The following ERC1 variants were observed in gnomAD, a reference collection of about 807,000 sequenced individuals.
ERC1 encodes the protein RAB6 interacting protein 2.
ERC1 carries 56 observed loss-of-function variants against 132.0 expected under a neutral mutation model. The observed-to-expected ratio is 0.42, with a 90% CI of 0.34 to 0.53. The LOEUF (loss-of-function observed/expected upper bound fraction) is 0.53, where lower values mean the gene tolerates loss of function less well. ERC1 is among the 20% of genes least tolerant of loss of function. The pLI is 0.03. For synonymous variants in ERC1, 478 were observed against 476.1 expected, an observed-to-expected ratio of 1.00 and a Z score of -0.05; for missense variants, 1,202 against 1,349.9, an observed-to-expected ratio of 0.89 and a Z score of 1.72.
At chr12:1,243,090 G>A (rs1379668138) in intron 13 of ERC1, among the ~76,000 whole-genome samples, 1 of 151,282 alleles carries the variant, frequency 6.6e-6, no homozygotes, top group East Asian at 1.9e-4. Flanking sequence ...GGGAGGCTGA[G>A]GCAGGAGAAT....
At chr12:1,054,719 C>G (rs1301854620) in intron 2 of ERC1, among the ~76,000 whole-genome samples, 2 of 152,114 alleles carry the variant, frequency 1.3e-5, no homozygotes, top group Admixed American at 6.6e-5. Context: ...AAAGCATTGT[C>G]TAATCAGTCT....
intron 15 of ERC1, among the ~76,000 whole-genome samples, chr12:1,368,638 G>A (rs770501355): frequency 1.3e-5 from 2 of 152,126 alleles, no homozygotes; most frequent in Admixed American, 1.3e-4. Context: ...AGTCTTTGCT[G>A]TTACTGTCTA....
In ERC1 at chr12:1,482,809, A is replaced by C. The variant is rs183086930; in HGVS notation, c.3214-7284A>C. On this transcript the variant is annotated intron_variant, in intron 18 of 18. Coordinates refer to ENST00000360905, the MANE Select transcript of ERC1 (RefSeq NM_178040.4). ...CATACAACTCACCCATTGCAAGTAC[A>C]TAATTCAGTAGATTTAGTGTGTTCT... 4.7e-3 allele frequency among the ~76,000 whole-genome samples: 710 copies of C among 152,276 alleles called. 2 individuals are homozygous for C. Among genetic ancestry groups the C allele is most frequent in the Non-Finnish European group, 7.1e-3 (480 of 68,028 alleles).
intron 1 of ERC1, among the ~76,000 whole-genome samples, chr12:1,012,386 TAAAC>T (rs1334683954): frequency 6.6e-6 from 1 of 151,832 alleles, no homozygotes; most frequent in African/African-American, 2.4e-5. Context: ...GCTTAAGAAA[TAAAC>T]AGTCACAGAC....
At chr12:1,472,300 T>C (rs775895576) in intron 18 of ERC1, among the ~76,000 whole-genome samples, 7 of 152,206 alleles carry the variant, frequency 4.6e-5, no homozygotes, top group African/African-American at 7.2e-5. Flanking sequence ...TGATTTGTTT[T>C]TGTTTTGTTT....
rs60585974 is a variant in ERC1 at position 1,129,836 on chromosome 12, G to GAA, written c.1570-11776_1570-11775dup. 4.0e-3 allele frequency among the ~76,000 whole-genome samples: 597 copies of GAA among 150,004 alleles called. 2 individuals are homozygous for GAA. The highest frequency in any genetic ancestry group is 6.6e-3 in the Non-Finnish European group (444 of 67,536). ...GAAAGAAGAAAAGAATGAGATGCAA[G>GAA]AAAAAAAAACAGGAGATGAAAAGGC... On this transcript the variant is annotated intron_variant, in intron 7 of 18. Coordinates refer to ENST00000360905, the MANE Select transcript of ERC1 (RefSeq NM_178040.4).
At chr12:1,484,221 T>A (rs937010968) in intron 18 of ERC1, among the ~76,000 whole-genome samples, 1 of 151,448 alleles carries the variant, frequency 6.6e-6, no homozygotes, top group Non-Finnish European at 1.5e-5. Context: ...AGGAGGATGG[T>A]GTGAACCTGG....
At chr12:1,146,308 G>GTTTTTTTTTTTTTTTTTTT (rs1172108036) in intron 8 of ERC1, among the ~76,000 whole-genome samples, 9 of 31,798 alleles carry the variant, frequency 2.8e-4, no homozygotes, top group African/African-American at 5.0e-4. Context: ...TATTTTACTG[G>GTTTTTTTTTTTTTTTTTTT]TTTTTTTTTT....
intron 18 of ERC1, among the ~76,000 whole-genome samples, chr12:1,482,049 G>T (rs993497396): frequency 2.2e-4 from 33 of 152,152 alleles, no homozygotes; most frequent in African/African-American, 8.0e-4. Context: ...GTCTGAAACG[G>T]AACACAGTGC....
At chr12:1,364,136 T>C (rs1041426234) in intron 15 of ERC1, among the ~76,000 whole-genome samples, 1 of 152,254 alleles carries the variant, frequency 6.6e-6, no homozygotes, top group Non-Finnish European at 1.5e-5. Context: ...CATAGCAGTC[T>C]TTCATTTAGA....
At chr12:1,232,757 A>G (rs2075138257) in intron 12 of ERC1, among the ~76,000 whole-genome samples, 5 of 152,030 alleles carry the variant, frequency 3.3e-5, no homozygotes, top group African/African-American at 1.2e-4. Context: ...CTTGAGTCTC[A>G]TTGAGCTTCT....
chr12:1,356,368 A>C (rs76887405), intron 15 of ERC1, among the ~76,000 whole-genome samples: 1,528 of 152,232 alleles, frequency 0.01, 34 homozygotes, highest in African/African-American at 0.034. Flanking sequence ...TAAAATATGC[A>C]AAAGTTTAAA....
intron 12 of ERC1, among the ~76,000 whole-genome samples, chr12:1,234,953 C>G (rs565013325): frequency 1.8e-4 from 28 of 152,148 alleles, no homozygotes; most frequent in Non-Finnish European, 3.5e-4. Flanking sequence ...ATGACTGCAA[C>G]GTGAAAGACA....
chr12:1,243,782 A>G (rs1159681964), intron 13 of ERC1, among the ~76,000 whole-genome samples: 1 of 152,156 alleles, frequency 6.6e-6, no homozygotes, highest in Non-Finnish European at 1.5e-5. Context: ...ACGGCAAAGA[A>G]TTTCTCGGCC....
intron 12 of ERC1, among the ~76,000 whole-genome samples, chr12:1,231,572 C>T (rs1435214803): frequency 6.6e-6 from 1 of 152,020 alleles, no homozygotes; most frequent in Non-Finnish European, 1.5e-5. Context: ...AACTCAGCTC[C>T]CTTTAGCATT....
chr12:1,008,277 G>T (rs193101431), intron 1 of ERC1, among the ~76,000 whole-genome samples: 68 of 152,240 alleles, frequency 4.5e-4, no homozygotes, highest in African/African-American at 1.6e-3. Flanking sequence ...GCCAGAAAGC[G>T]CTGTTTATTA....
intron 12 of ERC1, among the ~76,000 whole-genome samples, chr12:1,192,257 ATT>A (rs1955811685): frequency 6.6e-6 from 1 of 152,232 alleles, no homozygotes; most frequent in South Asian, 2.1e-4. Flanking sequence ...ACTAAGGTAG[ATT>A]TTAGTTTCAC....
chr12:1,424,793 TGATAGATAGATAGATA>T (rs139054161), intron 17 of ERC1, among the ~76,000 whole-genome samples: 3,244 of 109,912 alleles, frequency 0.03, 63 homozygotes, highest in Non-Finnish European at 0.041. Flanking sequence ...GAGCTTGAGA[TGATAGATAGATAGATA>T]GATAGATAGA....
At chr12:1,482,666 C>G (rs1592323646) in intron 18 of ERC1, among the ~76,000 whole-genome samples, 1 of 151,954 alleles carries the variant, frequency 6.6e-6, no homozygotes, top group Non-Finnish European at 1.5e-5. Flanking sequence ...AGGCTGGTCT[C>G]GAACTCCTGA....
Sources: allele counts gnomAD v4.1 joint callset (sites outside exome capture counted in the v4.1 genomes callset), GRCh38; gene constraint gnomAD v4.1.1; transcripts MANE v1.5; gene names NCBI Gene and HGNC (gene_info 2026-07-23, HGNC 2026-07-21).